The following CNTN4 variants were observed in gnomAD, a reference collection of about 807,000 sequenced individuals.
The protein encoded by CNTN4 is contactin-4.
Under a neutral mutation model 122.5 loss-of-function variants are expected in CNTN4, and 77 were observed. The ratio of observed to expected loss-of-function variants is 0.63; its 90% CI spans 0.52 to 0.76. CNTN4 has a LOEUF of 0.76. Ranked by LOEUF, CNTN4 falls within the 30% of genes least tolerant of loss-of-function variation. The pLI, the probability that CNTN4 is intolerant of heterozygous loss-of-function variation, is 0.00. For synonymous variants in CNTN4, 512 were observed against 447.0 expected (o/e 1.15, Z -1.83); for missense variants, 1,256 against 1,259.1 (o/e 1.00, Z 0.04).
chr3:2,681,414 C>T lies in CNTN4; in HGVS notation c.56-54801C>T, dbSNP rs1038406407. On this transcript the variant is annotated intron_variant, in intron 4 of 24. Transcript: ENST00000418658. Reference sequence around the variant, plus strand: ...GCAAGGGCACATGGGCTCTCAAATACCTGCCATAGCAACAGGATCAGGAGA... The same window carrying T: ...GCAAGGGCACATGGGCTCTCAAATATCTGCCATAGCAACAGGATCAGGAGA... 2.0e-5 allele frequency among the ~76,000 whole-genome samples: 3 copies of T among 152,138 alleles called. No individual in the cohort carries two copies. The East Asian group carries it at 5.8e-4, about 29-fold the overall frequency.
chr3:3,004,056 G>A (rs887914267), intron 14 of CNTN4, among the ~76,000 whole-genome samples: 16 of 151,880 alleles, frequency 1.1e-4, no homozygotes, highest in South Asian at 2.1e-4. Flanking sequence ...CACCATGCCC[G>A]GCCTGAAGCG....
intron 2 of CNTN4, among the ~76,000 whole-genome samples, chr3:2,168,235 T>G (rs2036289029): frequency 6.6e-6 from 1 of 152,164 alleles, no homozygotes; most frequent in South Asian, 2.1e-4. Flanking sequence ...GTAAAGAAAA[T>G]TTCAAATATT....
chr3:2,838,244 A>C (rs1400637768), intron 7 of CNTN4, among the ~76,000 whole-genome samples: 2 of 152,220 alleles, frequency 1.3e-5, no homozygotes, highest in Non-Finnish European at 2.9e-5. Flanking sequence ...ATGCGAATGA[A>C]GGCACCCATT....
At chr3:2,456,582 C>G (rs926027925) in intron 3 of CNTN4, among the ~76,000 whole-genome samples, 1 of 152,110 alleles carries the variant, frequency 6.6e-6, no homozygotes, top group Non-Finnish European at 1.5e-5. Flanking sequence ...TTTGGATTTA[C>G]CTATTCTGGA....
chr3:2,433,888 A>G (rs925676994), intron 3 of CNTN4, among the ~76,000 whole-genome samples: 14 of 152,168 alleles, frequency 9.2e-5, no homozygotes, highest in East Asian at 3.8e-4. Context: ...CATTATGCCA[A>G]TTGAAATAAG....
chr3:2,424,212 C>A (rs2047727184), intron 3 of CNTN4, among the ~76,000 whole-genome samples: 1 of 103,942 alleles, frequency 9.6e-6, no homozygotes, highest in Non-Finnish European at 1.9e-5. Context: ...CTATCCCTCC[C>A]CCCTCCCTCC....
intron 3 of CNTN4, among the ~76,000 whole-genome samples, chr3:2,536,674 T>G (rs1250074640): frequency 2.0e-5 from 3 of 152,046 alleles, no homozygotes; most frequent in Non-Finnish European, 4.4e-5. Context: ...TCCTCCTGCT[T>G]TGGCCTCCCA....
chr3:2,655,813 A>C (rs2083563759), intron 4 of CNTN4, among the ~76,000 whole-genome samples: 1 of 152,198 alleles, frequency 6.6e-6, no homozygotes, highest in Admixed American at 6.5e-5. Context: ...CATGGAAATC[A>C]CTGCGGGATT....
At chr3:2,694,196 G>A (rs891614940) in intron 4 of CNTN4, among the ~76,000 whole-genome samples, 2 of 152,064 alleles carry the variant, frequency 1.3e-5, no homozygotes, top group Non-Finnish European at 1.5e-5. Flanking sequence ...AAGCCATCTT[G>A]TCTAAAAACT....
chr3:2,809,747 C>T (rs1576879277), intron 6 of CNTN4, among the ~76,000 whole-genome samples: 1 of 152,180 alleles, frequency 6.6e-6, no homozygotes. Context: ...ACATTATTAA[C>T]GGTGCCATAT....
At chr3:2,431,534 G>A (rs185976647) in intron 3 of CNTN4, among the ~76,000 whole-genome samples, 20 of 152,226 alleles carry the variant, frequency 1.3e-4, no homozygotes, top group Admixed American at 2.6e-4. Flanking sequence ...CTAATTGTGT[G>A]TAATTGACTT....
chr3:2,544,106 C>G (rs2078141511), intron 3 of CNTN4, among the ~76,000 whole-genome samples: 1 of 152,136 alleles, frequency 6.6e-6, no homozygotes, highest in Non-Finnish European at 1.5e-5. Context: ...AAATCAAGAA[C>G]CTGATACTAC....
At chr3:2,863,177 G>C (rs1426844992) in intron 7 of CNTN4, among the ~76,000 whole-genome samples, 1 of 152,078 alleles carries the variant, frequency 6.6e-6, no homozygotes, top group Non-Finnish European at 1.5e-5. Flanking sequence ...TTGCCCTGAA[G>C]AGATAAACAA....
At position 3,034,534 on chromosome 3, in the gene CNTN4, G is replaced by A. The variant is rs9845519; in HGVS notation, c.1784-98G>A. ...CAAGTGATGAATCTGTGAATGGGTA[G>A]ATAAATGAATGGGTCAATGCCCCAT... On this transcript the variant is annotated intron_variant, in intron 16 of 24. Coordinates refer to ENST00000418658, the MANE Select transcript of CNTN4 (RefSeq NM_175607.3). The A allele has an allele frequency of 0.42, 532,520 of 1,255,304 alleles. 116,351 individuals are homozygous for A. Among genetic ancestry groups the A allele is most frequent in the East Asian group, 0.52 (22,051 of 42,674 alleles). 77.8% of individuals were successfully genotyped at this position (1,255,304 alleles called of 1,614,324 possible). A position where few individuals can be genotyped will look rare whatever the true frequency, so the allele number is the denominator to read the frequency against.
chr3:2,590,100 CT>C (rs1262516150), intron 4 of CNTN4, among the ~76,000 whole-genome samples: 3 of 152,202 alleles, frequency 2.0e-5, no homozygotes, highest in Non-Finnish European at 4.4e-5. Context: ...CTGGGACAAA[CT>C]GTCGTCAGTT....
intron 2 of CNTN4, among the ~76,000 whole-genome samples, chr3:2,155,884 C>T (rs144619812): frequency 6.6e-6 from 1 of 152,282 alleles, no homozygotes; most frequent in East Asian, 1.9e-4. Context: ...CCTTCTTGAC[C>T]CTCCAGCCTA....
intron 4 of CNTN4, among the ~76,000 whole-genome samples, chr3:2,708,116 A>G (rs1416563880): frequency 1.3e-5 from 2 of 152,182 alleles, no homozygotes; most frequent in Non-Finnish European, 2.9e-5. Context: ...AGCTGATCAA[A>G]TACATTATCT....
intron 2 of CNTN4, among the ~76,000 whole-genome samples, chr3:2,127,081 T>C (rs1356593464): frequency 8.6e-5 from 13 of 151,886 alleles, no homozygotes; most frequent in Admixed American, 7.9e-4. Flanking sequence ...TTTGCGTTTT[T>C]CTCCTTTCTC....
intron 3 of CNTN4, among the ~76,000 whole-genome samples, chr3:2,351,742 G>T (rs1012338200): frequency 2.6e-5 from 4 of 151,600 alleles, no homozygotes; most frequent in African/African-American, 9.7e-5. Context: ...TAGATAAGAG[G>T]GGACTACTGT....
Sources: gnomAD v4.1 joint callset for allele counts (sites outside exome capture counted in the v4.1 genomes callset) on GRCh38, gnomAD v4.1.1 for gene constraint, MANE v1.5 for transcripts, NCBI Gene and HGNC (gene_info 2026-07-23, HGNC 2026-07-21) for gene names.